LRRK2: variants seen among roughly 807,000 people sequenced by gnomAD.
LRRK2 encodes the protein leucine-rich repeat serine/threonine-protein kinase 2.
Under a neutral mutation model 302.6 loss-of-function variants are expected in LRRK2, and 203 were observed. The observed-to-expected ratio is 0.67, with a 90% CI of 0.60 to 0.75. LRRK2 has a LOEUF of 0.75. LRRK2 is among the 30% of genes least tolerant of loss of function. LRRK2 has a pLI of 0.00. For missense variants in LRRK2, 2,830 were observed against 2,951.0 expected, an observed-to-expected ratio of 0.96 and a Z score of 0.95; for synonymous variants, 1,066 against 1,031.9, an observed-to-expected ratio of 1.03 and a Z score of -0.63.
At chr12:40,347,739 G>T (rs1946234528) in intron 42 of LRRK2, among the ~76,000 whole-genome samples, 1 of 152,206 alleles carries the variant, frequency 6.6e-6, no homozygotes, top group African/African-American at 2.4e-5. Context: ...CAGGCAGGCA[G>T]ATCACTTGAG....
intron 14 of LRRK2, among the ~76,000 whole-genome samples, chr12:40,267,460 A>G (rs1363177018): frequency 1.3e-5 from 2 of 152,096 alleles, no homozygotes; most frequent in Admixed American, 6.6e-5. Flanking sequence ...AGAGGTACCA[A>G]AACAGCCGTA....
chr12:40,262,224 A>G (rs1245708708), intron 13 of LRRK2, among the ~76,000 whole-genome samples: 1 of 152,196 alleles, frequency 6.6e-6, no homozygotes, highest in African/African-American at 2.4e-5. Flanking sequence ...AGTAACAGTA[A>G]TAATACCAAA....
At position 40,294,967 on chromosome 12, in the gene LRRK2, T is replaced by A. The variant is rs1944324210; in HGVS notation, c.2878+53T>A. 3.6e-6 allele frequency: 4 copies of A among 1,106,138 alleles called. No individual in the cohort carries two copies. The Admixed American group carries it at 5.5e-5, about 15-fold the overall frequency. 68.5% of individuals were successfully genotyped at this position (1,106,138 alleles called of 1,614,324 possible). On this transcript the variant is annotated intron_variant, in intron 22 of 50. Coordinates refer to ENST00000298910, the MANE Select transcript of LRRK2 (RefSeq NM_198578.4). Reference sequence around the variant, plus strand: ...AATAGATATTTTGGGCAGAATGCAGTGTTTGGTTGAATTTCCTCCAATTAT... The same window carrying A: ...AATAGATATTTTGGGCAGAATGCAGAGTTTGGTTGAATTTCCTCCAATTAT...
chr12:40,354,518 G>A, intron 45 of LRRK2, 26 bp downstream of exon 45: 1 of 1,584,704 alleles, frequency 6.3e-7, no homozygotes, highest in Non-Finnish European at 8.7e-7. Context: ...TGATCAATGG[G>A]GAAATTACAG....
At chr12:40,305,616 A>G (rs1328200036) in intron 27 of LRRK2, among the ~76,000 whole-genome samples, 169 bp from the exon 28 acceptor site, 3 of 152,078 alleles carry the variant, frequency 2.0e-5, no homozygotes, top group East Asian at 1.9e-4. Context: ...GTTTTTAAAC[A>G]CATACTGACA....
At chr12:40,362,458 G>A (rs1010614148) in intron 47 of LRRK2, among the ~76,000 whole-genome samples, 1 of 151,926 alleles carries the variant, frequency 6.6e-6, no homozygotes, top group Non-Finnish European at 1.5e-5. Flanking sequence ...TATATCAGAG[G>A]TGCTTATCTG....
At chr12:40,290,965 C>G (rs1245738008) in intron 20 of LRRK2, among the ~76,000 whole-genome samples, 1 of 152,044 alleles carries the variant, frequency 6.6e-6, no homozygotes, top group Admixed American at 6.6e-5. Flanking sequence ...ATAAATATCA[C>G]TTTCACTGCA....
chr12:40,263,969 C>T lies in LRRK2; in HGVS notation c.1656+68C>T, dbSNP rs10784462. The T allele has an allele frequency of 2.7e-5, 31 of 1,148,054 alleles. No individual in the cohort carries two copies. In the African/African-American group the frequency reaches 3.3e-4, roughly 12 times the overall value. 71.1% of individuals were successfully genotyped at this position (1,148,054 alleles called of 1,614,324 possible). A position where few individuals can be genotyped will look rare whatever the true frequency, so the allele number is the denominator to read the frequency against. ...AATATTAAATTTGGAGAACTAGGGG[C>T]GCTTTTTCAGTCTAAGTTTTCTGTT... On this transcript the variant is annotated intron_variant, in intron 14 of 50. Transcript: ENST00000298910.
rs1490967179 is a variant in LRRK2 at position 40,322,290 on chromosome 12, G to T, written c.5318-29G>T. On this transcript the variant is annotated intron_variant, in intron 36 of 50. Coordinates refer to ENST00000298910, the MANE Select transcript of LRRK2 (RefSeq NM_198578.4). ...TTGCGACAGTATGAGGTTTAGACAA[G>T]GTGTTGAGCTCTGTTTTGAATCATG... 5.0e-6 allele frequency: 8 copies of T among 1,611,852 alleles called. No homozygotes were observed. The Admixed American group carries it at 1.3e-4, about 27-fold the overall frequency.
At chr12:40,299,483 C>A (rs1944540064) in intron 25 of LRRK2, among the ~76,000 whole-genome samples, 1 of 152,094 alleles carries the variant, frequency 6.6e-6, no homozygotes, top group Non-Finnish European at 1.5e-5. Context: ...AGAAGCCAAT[C>A]TGAAAAGGCT....
At chr12:40,291,413 G>A (rs536719935) in intron 20 of LRRK2, among the ~76,000 whole-genome samples, 5 of 144,176 alleles carry the variant, frequency 3.5e-5, no homozygotes, top group Non-Finnish European at 7.5e-5. Context: ...GTGTACCCTA[G>A]AACTTAAAGT....
At chr12:40,365,981 A>C (rs955744940) in intron 49 of LRRK2, 14 of 151,972 alleles carry the variant, frequency 9.2e-5, no homozygotes, top group African/African-American at 3.1e-4. Flanking sequence ...TGCATTCTCT[A>C]GTTGAATTGT....
In LRRK2 at chr12:40,278,164, G is replaced by C; in HGVS notation, c.2144G>C (p.Arg715Thr). 4 of 1,614,100 alleles carry C rather than the reference G, an allele frequency of 2.5e-6. No homozygotes were observed. Among genetic ancestry groups the C allele is most frequent in the Non-Finnish European group, 3.4e-6 (4 of 1,180,002 alleles). Residue 715 changes from arginine (R) to threonine (T), a missense_variant, in exon 18 of 51, where the codon AGA (arginine) becomes ACA (threonine). This residue lies in a region of LRRK2 where 2,121 missense variants were observed against 2,148.0 expected (regional missense o/e 0.99). Coordinates refer to ENST00000298910, the MANE Select transcript of LRRK2 (RefSeq NM_198578.4). Reference protein sequence around the residue: ...DDYLKNVMLERACDQNNSIMV... With the variant: ...DDYLKNVMLETACDQNNSIMV... The stretch of plus-strand genomic sequence containing the variant: ...TACTTAAAAAATGTGATGCTAGAGA[G>C]AGCGTGTGATCAGAATAACAGCATC...
chr12:40,319,564 A>C (rs1043037490), intron 33 of LRRK2, among the ~76,000 whole-genome samples: 1 of 152,126 alleles, frequency 6.6e-6, no homozygotes, highest in African/African-American at 2.4e-5. Context: ...TATTCATGGA[A>C]GTCCTCTCCT....
Position 40,274,928 on chromosome 12 carries a change from C to T in LRRK2, c.1876C>T (p.Leu626=), listed in dbSNP as rs866253403. 3.7e-6 allele frequency: 6 copies of T among 1,613,878 alleles called. No homozygotes were observed. Among genetic ancestry groups the T allele is most frequent in the Non-Finnish European group, 4.2e-6 (5 of 1,179,880 alleles). The part of the protein sequence containing the change: ...KKNVFIGTGH[L]LAKILVSSLY... The stretch of plus-strand genomic sequence containing the variant: ...GAATGTGTTCATAGGAACTGGACAT[C>T]TGCTGGCAAAAATTCTGGTTTCCAG... The change falls in exon 16 of 51, where the codon CTG becomes TTG. Residue 626 remains leucine, a synonymous_variant. Coordinates refer to ENST00000298910, the MANE Select transcript of LRRK2 (RefSeq NM_198578.4).
At position 40,367,647 on chromosome 12, in the gene LRRK2, T is replaced by G. The variant is rs748875047; in HGVS notation, c.7466T>G (p.Ile2489Arg). The part of the protein sequence containing the change: ...NTEGTQKQKE[I>R]QSCLTVWDIN... ...TTTCATTTTTTTCTTTTTCTAGAGA[T>G]ACAATCTTGCTTGACCGTTTGGGAC... Residue 2489 changes from isoleucine to arginine, a missense_variant, in exon 51 of 51, where the codon ATA (isoleucine) becomes AGA (arginine). Coordinates refer to ENST00000298910, the MANE Select transcript of LRRK2 (RefSeq NM_198578.4). 6.2e-7 allele frequency: 1 copy of G among 1,602,430 alleles called. No individual in the cohort carries two copies. Among genetic ancestry groups the G allele is most frequent in the East Asian group, 2.2e-5 (1 of 44,480 alleles).
chr12:40,255,652 T>C (rs931796350), intron 11 of LRRK2, among the ~76,000 whole-genome samples: 1 of 152,188 alleles, frequency 6.6e-6, no homozygotes, highest in African/African-American at 2.4e-5. Flanking sequence ...TCACAAACCC[T>C]GGAGTTGAGA....
intron 3 of LRRK2, among the ~76,000 whole-genome samples, chr12:40,233,677 G>C (rs1181787390): frequency 6.6e-6 from 1 of 152,144 alleles, no homozygotes; most frequent in Non-Finnish European, 1.5e-5. Flanking sequence ...ATGTCCCTTG[G>C]TTTGGGTGAT....
chr12:40,361,078 G>A (rs984722042), intron 47 of LRRK2, among the ~76,000 whole-genome samples: 6 of 151,988 alleles, frequency 3.9e-5, no homozygotes, highest in Non-Finnish European at 8.8e-5. Context: ...ATGATACCTG[G>A]GCCCTACCTC....
Sources: gnomAD v4.1 joint callset for allele counts (sites outside exome capture counted in the v4.1 genomes callset) on GRCh38, gnomAD v4.1.1 for gene constraint, gnomAD v4.1.1 regional missense constraint, MANE v1.5 for transcripts, NCBI Gene and HGNC (gene_info 2026-07-23, HGNC 2026-07-21) for gene names.